The following RPTOR variants were observed in gnomAD, a reference collection of about 807,000 sequenced individuals.
RPTOR encodes regulatory associated protein of MTOR complex 1, also known as regulatory-associated protein of mTOR.
A neutral mutation model predicts 169.9 loss-of-function variants in RPTOR; 21 were observed. The observed-to-expected ratio is 0.12, with a 90% CI of 0.09 to 0.18. The LOEUF is 0.18. Among genes scored for constraint, RPTOR ranks in the 10% least tolerant of loss-of-function variants. The pLI, the probability that RPTOR is intolerant of heterozygous loss-of-function variation, is 1.00. For missense variants in RPTOR, 1,133 were observed against 1,855.9 expected (o/e 0.61, Z 7.16); for synonymous variants, 732 against 753.2 (o/e 0.97, Z 0.46).
At chr17:80,647,446 T>C (rs1199745488) in intron 3 of RPTOR, among the ~76,000 whole-genome samples, 3 of 152,182 alleles carry the variant, frequency 2.0e-5, no homozygotes, top group Admixed American at 6.5e-5. Flanking sequence ...TTGGGGCTAC[T>C]GGCAGTTTAG....
intron 21 of RPTOR, among the ~76,000 whole-genome samples, chr17:80,910,542 C>T (rs1012430895): frequency 3.7e-4 from 57 of 152,282 alleles, no homozygotes; most frequent in African/African-American, 1.3e-3. Flanking sequence ...GACCTCGTCA[C>T]GGCTATGGCG....
intron 28 of RPTOR, among the ~76,000 whole-genome samples, chr17:80,953,851 T>C (rs1004099702): frequency 1.3e-5 from 2 of 152,192 alleles, no homozygotes; most frequent in African/African-American, 4.8e-5. Context: ...GCCCTCACTG[T>C]GCTCACAAGG....
intron 6 of RPTOR, among the ~76,000 whole-genome samples, chr17:80,757,832 C>T (rs1236704608): frequency 6.6e-6 from 1 of 152,072 alleles, no homozygotes; most frequent in Non-Finnish European, 1.5e-5. Flanking sequence ...TCCTATGCGC[C>T]CCTCATTGTA....
intron 6 of RPTOR, among the ~76,000 whole-genome samples, chr17:80,760,562 A>T (rs537772395): frequency 6.6e-6 from 1 of 152,246 alleles, no homozygotes; most frequent in African/African-American, 2.4e-5. Context: ...TCAGCCTTCC[A>T]AAGTGCTGAG....
chr17:80,800,087 G>A (rs1453110658), intron 7 of RPTOR, among the ~76,000 whole-genome samples: 1 of 152,210 alleles, frequency 6.6e-6, no homozygotes, highest in Non-Finnish European at 1.5e-5. Context: ...CCCGCTGTCT[G>A]GGGTTTGGGG....
At chr17:80,958,734 A>G (rs923969337) in intron 29 of RPTOR, among the ~76,000 whole-genome samples, 5 of 152,164 alleles carry the variant, frequency 3.3e-5, no homozygotes, top group South Asian at 2.1e-4. Flanking sequence ...TGCTTCTTAA[A>G]GCATCTGCTA....
At chr17:80,729,256 T>TA (rs1429169479) in intron 4 of RPTOR, among the ~76,000 whole-genome samples, 2 of 152,210 alleles carry the variant, frequency 1.3e-5, no homozygotes, top group Admixed American at 1.3e-4. Flanking sequence ...AGCGGCAGGA[T>TA]ATGTGGCTTA....
intron 6 of RPTOR, among the ~76,000 whole-genome samples, chr17:80,790,528 G>A (rs1184546890): frequency 1.3e-5 from 2 of 151,904 alleles, no homozygotes; most frequent in African/African-American, 4.8e-5. Flanking sequence ...CACTGCTATG[G>A]GTACCCTCCT....
chr17:80,841,424 G>A lies in RPTOR; in HGVS notation c.1212+3427G>A, dbSNP rs188985461. Among the ~76,000 whole-genome samples the A allele has an allele frequency of 4.7e-4, 58 of 123,522 alleles. 3 individuals are homozygous for A. The East Asian group carries it at 0.014, about 29-fold the overall frequency. The allele number at this position is 123,522 out of a possible 152,430, so 81.0% of individuals were successfully genotyped here. On this transcript the variant is annotated intron_variant, in intron 10 of 33. Transcript: ENST00000306801. Reference sequence around the variant, plus strand: ...GCACGGCAGCTCACACTCACCACACGGCAGCTCACACTCACCACACGGCAG... The same window carrying A: ...GCACGGCAGCTCACACTCACCACACAGCAGCTCACACTCACCACACGGCAG...
intron 1 of RPTOR, chr17:80,593,575 A>G (rs1406386970): frequency 6.5e-6 from 1 of 154,374 alleles, no homozygotes; most frequent in East Asian, 1.9e-4. Flanking sequence ...TCAAAAGACT[A>G]CGTATACATG....
At chr17:80,852,570 G>A (rs551220342) in intron 11 of RPTOR, among the ~76,000 whole-genome samples, 13 of 152,208 alleles carry the variant, frequency 8.5e-5, no homozygotes, top group East Asian at 1.9e-4. Flanking sequence ...AGCTGGCTCC[G>A]GGCACATAGA....
chr17:80,941,901 T>C (rs1397056338), intron 25 of RPTOR: 5 of 152,256 alleles, frequency 3.3e-5, no homozygotes, highest in African/African-American at 1.2e-4. Context: ...CTGAAGCGCA[T>C]TCCCACGCAG....
intron 6 of RPTOR, among the ~76,000 whole-genome samples, chr17:80,780,202 C>T (rs1187616826): frequency 6.6e-6 from 1 of 152,120 alleles, no homozygotes; most frequent in Admixed American, 6.6e-5. Flanking sequence ...TGATAAATGT[C>T]GCAATCACAA....
intron 3 of RPTOR, among the ~76,000 whole-genome samples, chr17:80,692,782 T>A (rs767926419): frequency 6.6e-6 from 1 of 152,228 alleles, no homozygotes; most frequent in Non-Finnish European, 1.5e-5. Context: ...TTTAAAAAAA[T>A]TAATTTTGCT....
intron 1 of RPTOR, among the ~76,000 whole-genome samples, chr17:80,550,436 C>T (rs1207699891): frequency 1.3e-5 from 2 of 152,184 alleles, no homozygotes; most frequent in Non-Finnish European, 2.9e-5. Context: ...TCTTGGACCC[C>T]ATTCTCTGTT....
chr17:80,842,907 C>T (rs1011748383), intron 10 of RPTOR, among the ~76,000 whole-genome samples: 4 of 152,292 alleles, frequency 2.6e-5, no homozygotes, highest in Non-Finnish European at 4.4e-5. Flanking sequence ...TCCTTTGCAC[C>T]AAGGGCCATG....
intron 4 of RPTOR, among the ~76,000 whole-genome samples, chr17:80,713,442 T>G (rs35542453): frequency 0.16 from 23,917 of 152,208 alleles, 2,755 homozygotes; most frequent in African/African-American, 0.33. Flanking sequence ...GTTCGCTTTT[T>G]GACGAGTTTG....
intron 13 of RPTOR, among the ~76,000 whole-genome samples, chr17:80,879,771 A>G (rs752754): frequency 0.23 from 34,328 of 152,140 alleles, 4,081 homozygotes; most frequent in East Asian, 0.37. Flanking sequence ...AGTCATGGCC[A>G]CGTGACTGTG....
intron 20 of RPTOR, among the ~76,000 whole-genome samples, chr17:80,903,664 T>C (rs2068504882): frequency 6.6e-6 from 1 of 152,148 alleles, no homozygotes; most frequent in Non-Finnish European, 1.5e-5. Flanking sequence ...AACTACAGTT[T>C]CCTTCCTTTT....
Sources: gnomAD v4.1 joint callset for allele counts (sites outside exome capture counted in the v4.1 genomes callset) on GRCh38, gnomAD v4.1.1 for gene constraint, MANE v1.5 for transcripts, NCBI Gene and HGNC (gene_info 2026-07-23, HGNC 2026-07-21) for gene names.